Variants in COL5A2 observed in about 807,000 individuals in gnomAD.
COL5A2 encodes collagen alpha-2(V) chain.
In COL5A2, 23 loss-of-function variants were observed where a neutral mutation model predicts 208.2. The observed-to-expected ratio is 0.11, with a 90% CI of 0.08 to 0.16. The LOEUF is 0.16. Among genes scored for constraint, COL5A2 ranks in the 10% least tolerant of loss-of-function variants. COL5A2 has a pLI of 1.00. For synonymous variants in COL5A2, 625 were observed against 628.5 expected (o/e 0.99, Z 0.08); for missense variants, 1,590 against 1,956.4 (o/e 0.81, Z 3.53).
chr2:189,242,728 G>A, the COL5A2 span, among the ~76,000 whole-genome samples: 2 of 152,196 alleles, frequency 1.3e-5, no homozygotes, highest in African/African-American at 2.4e-5. Context: ...AGTATAAAGT[G>A]GGAAGTTTGA....
the COL5A2 span, among the ~76,000 whole-genome samples, chr2:189,365,020 G>A: frequency 2.0e-5 from 3 of 152,268 alleles, no homozygotes; most frequent in East Asian, 3.9e-4. Context: ...TTTAAAGTAT[G>A]TAGCCAAAGA....
intron 1 of COL5A2, among the ~76,000 whole-genome samples, chr2:189,218,345 G>A (rs541234173): frequency 6.6e-4 from 100 of 152,232 alleles, no homozygotes; most frequent in African/African-American, 2.3e-3. Context: ...GAAGAGAAGT[G>A]AACACAGAGA....
In COL5A2 at chr2:189,146,996, C is replaced by A. The variant is rs138866613; in HGVS notation, c.97+32512G>T. On this transcript the variant is annotated intron_variant, in intron 1 of 53. Coordinates refer to ENST00000374866, the MANE Select transcript of COL5A2 (RefSeq NM_000393.5). ...ATTGTGAAACAAGTAACTTCAAAGCCAACAATAAGAAGACCCTTAAAAATG... is the reference window on the plus strand; with the variant it reads ...ATTGTGAAACAAGTAACTTCAAAGCAAACAATAAGAAGACCCTTAAAAATG... Among the ~76,000 whole-genome samples, 161 of 152,178 alleles carry A rather than the reference C, an allele frequency of 1.1e-3. 1 individual carries two copies. Among genetic ancestry groups the A allele is most frequent in the African/African-American group, 2.2e-3 (90 of 41,534 alleles).
intron 1 of COL5A2, among the ~76,000 whole-genome samples, chr2:189,127,469 G>A (rs913353255): frequency 3.9e-5 from 6 of 152,014 alleles, no homozygotes; most frequent in African/African-American, 1.4e-4. Context: ...AAACGATGCA[G>A]GAGGAATGGA....
chr2:189,058,688 TA>T (rs1461539156), intron 32 of COL5A2, among the ~76,000 whole-genome samples, 160 bp downstream of exon 32: 1 of 152,242 alleles, frequency 6.6e-6, no homozygotes, highest in Non-Finnish European at 1.5e-5. Context: ...GAAGTAAGGA[TA>T]TGCTAGTTTC....
the COL5A2 span, among the ~76,000 whole-genome samples, chr2:189,340,150 G>A: frequency 6.6e-6 from 1 of 152,130 alleles, no homozygotes; most frequent in Non-Finnish European, 1.5e-5. Flanking sequence ...AGGTAAGACT[G>A]GTCTCTTGAC....
At chr2:189,036,351 G>A (rs1159372500) in intron 52 of COL5A2, among the ~76,000 whole-genome samples, 1 of 152,072 alleles carries the variant, frequency 6.6e-6, no homozygotes, top group Non-Finnish European at 1.5e-5. Context: ...ACATACATTA[G>A]AGGAACTTAC....
the COL5A2 span, among the ~76,000 whole-genome samples, chr2:189,341,975 A>T: frequency 6.6e-6 from 1 of 152,142 alleles, no homozygotes; most frequent in African/African-American, 2.4e-5. Flanking sequence ...ATCTGAAACT[A>T]ACTCAAATTA....
At chr2:189,301,243 G>A in the COL5A2 span, among the ~76,000 whole-genome samples, 1 of 152,092 alleles carries the variant, frequency 6.6e-6, no homozygotes, top group East Asian at 1.9e-4. Context: ...CACATTAAAT[G>A]TTCATGGAAA....
chr2:189,378,106 C>A, the COL5A2 span, among the ~76,000 whole-genome samples: 1 of 152,176 alleles, frequency 6.6e-6, no homozygotes, highest in Non-Finnish European at 1.5e-5. Flanking sequence ...AGAATGTATA[C>A]ACTTTAATCA....
At chr2:189,048,827 T>TCC (rs1378699169) in intron 44 of COL5A2, among the ~76,000 whole-genome samples, 3 of 152,198 alleles carry the variant, frequency 2.0e-5, no homozygotes, top group Admixed American at 2.0e-4. Context: ...CAGAGGATAT[T>TCC]CCAGCCTTTA....
At chr2:189,224,343 A>G (rs997770168) in intron 1 of COL5A2, among the ~76,000 whole-genome samples, 3 of 152,130 alleles carry the variant, frequency 2.0e-5, no homozygotes, top group Non-Finnish European at 4.4e-5. Context: ...AGAGAGAGGT[A>G]AAATATAGAA....
chr2:189,066,128 G>A lies in COL5A2; in HGVS notation c.1563+262C>T, dbSNP rs6434316. On this transcript the variant is annotated intron_variant, in intron 23 of 53. Coordinates refer to ENST00000374866, the MANE Select transcript of COL5A2 (RefSeq NM_000393.5). ...TTTACTAGTCTCCACATGAGGACTA[G>A]GACCATAGCCTTCTTGTTCACTGAT... is the stretch of plus-strand genomic sequence containing the variant. Among the ~76,000 whole-genome samples the A allele has an allele frequency of 0.71, 108,282 of 152,138 alleles. 39,532 individuals carry two copies. Among genetic ancestry groups the A allele is most frequent in the Non-Finnish European group, 0.81 (54,932 of 67,998 alleles).
chr2:189,062,331 A>T (rs56890909), intron 29 of COL5A2, among the ~76,000 whole-genome samples: 7,306 of 151,912 alleles, frequency 0.048, 211 homozygotes, highest in East Asian at 0.092. Context: ...TTACAGGCAC[A>T]TGCCACCATG....
chr2:189,273,980 C>T, the COL5A2 span, among the ~76,000 whole-genome samples: 6 of 150,958 alleles, frequency 4.0e-5, no homozygotes, highest in Non-Finnish European at 5.9e-5. Context: ...CTGAAAATCA[C>T]GGACAGCAAT....
chr2:189,059,587 T>TTTTTG, intron 31 of COL5A2, among the ~76,000 whole-genome samples: 1 of 75,818 alleles, frequency 1.3e-5, no homozygotes, highest in Non-Finnish European at 2.6e-5. Flanking sequence ...CTTTTCTGGT[T>TTTTTG]TTTTTTTTTT....
At chr2:189,272,828 C>A in the COL5A2 span, among the ~76,000 whole-genome samples, 1 of 152,060 alleles carries the variant, frequency 6.6e-6, no homozygotes, top group African/African-American at 2.4e-5. Flanking sequence ...TTATTCTCCA[C>A]CAGTTTGTGG....
At chr2:189,074,239 T>G (rs1329412951) in intron 17 of COL5A2, among the ~76,000 whole-genome samples, 1 of 152,036 alleles carries the variant, frequency 6.6e-6, no homozygotes, top group African/African-American at 2.4e-5. Flanking sequence ...TCACACTAAT[T>G]ATTACAGAAA....
At chr2:189,329,362 A>C in the COL5A2 span, among the ~76,000 whole-genome samples, 2 of 152,210 alleles carry the variant, frequency 1.3e-5, no homozygotes, top group Admixed American at 1.3e-4. Flanking sequence ...AAGGGCACAA[A>C]GTTTCAGTTA....
Sources: gnomAD v4.1 joint callset for allele counts (sites outside exome capture counted in the v4.1 genomes callset) on GRCh38, gnomAD v4.1.1 for gene constraint, MANE v1.5 for transcripts, NCBI Gene and HGNC (gene_info 2026-07-23, HGNC 2026-07-21) for gene names.